TRIM9: variants seen among roughly 807,000 people sequenced by gnomAD.
TRIM9 encodes tripartite motif containing 9.
A neutral mutation model predicts 78.3 loss-of-function variants in TRIM9; 26 were observed. The ratio of observed to expected loss-of-function variants is 0.33; its 90% CI spans 0.24 to 0.46. The LOEUF is 0.46. TRIM9 is among the 20% of genes least tolerant of loss of function. TRIM9 has a pLI of 1.00. For synonymous variants in TRIM9, 398 were observed against 416.5 expected (o/e 0.96, Z 0.54); for missense variants, 787 against 1,036.4 (o/e 0.76, Z 3.30).
intron 1 of TRIM9, among the ~76,000 whole-genome samples, chr14:51,093,293 A>C (rs539214829): frequency 1.6e-3 from 247 of 152,384 alleles, no homozygotes; most frequent in Non-Finnish European, 2.6e-3. Flanking sequence ...AAGTTTGCAC[A>C]TATAACTACT....
intron 6 of TRIM9, among the ~76,000 whole-genome samples, chr14:50,998,667 C>T (rs1020903214): frequency 1.3e-5 from 2 of 152,152 alleles, no homozygotes; most frequent in Non-Finnish European, 2.9e-5. Flanking sequence ...TTTAGAACTC[C>T]GCTGATAACT....
chr14:51,032,663 T>C (rs2058833284), intron 1 of TRIM9, among the ~76,000 whole-genome samples: 2 of 152,166 alleles, frequency 1.3e-5, no homozygotes, highest in Admixed American at 1.3e-4. Flanking sequence ...CAACTAACTA[T>C]CTCTCAGAGT....
At chr14:51,042,384 CACTT>C (rs2059640157) in intron 1 of TRIM9, among the ~76,000 whole-genome samples, 1 of 152,198 alleles carries the variant, frequency 6.6e-6, no homozygotes, top group Non-Finnish European at 1.5e-5. Context: ...TGAAACCTGT[CACTT>C]AAGAATGATT....
chr14:51,028,597 C>T (rs968517089), intron 1 of TRIM9, among the ~76,000 whole-genome samples: 1 of 152,202 alleles, frequency 6.6e-6, no homozygotes, highest in Admixed American at 6.5e-5. Context: ...GTTTTCATCA[C>T]GGCATCTTTG....
intron 9 of TRIM9, 141 bp from the exon 10 acceptor site, chr14:50,983,106 T>G (rs2052193249): frequency 1.2e-6 from 1 of 821,192 alleles, no homozygotes. Flanking sequence ...ACAGGTGCTC[T>G]CTGACTTGTA....
intron 1 of TRIM9, among the ~76,000 whole-genome samples, chr14:51,075,998 A>G (rs936744436): frequency 6.6e-6 from 1 of 152,200 alleles, no homozygotes; most frequent in African/African-American, 2.4e-5. Context: ...TACCTACAAG[A>G]GTACTGGAGC....
At position 51,003,300 on chromosome 14, in the gene TRIM9, CG is replaced by C. The variant is rs200246373; in HGVS notation, c.1307-2461del. 5.9e-3 allele frequency among the ~76,000 whole-genome samples: 897 copies of C among 152,122 alleles called. 6 individuals carry two copies. The highest frequency in any genetic ancestry group is 0.02 in the African/African-American group (841 of 41,516). ...TTGTAGAGACATGAATGATTCCCCCCGGGGGGTATTTATTCTTAACTGTCCT... is the reference window on the plus strand; with the variant it reads ...TTGTAGAGACATGAATGATTCCCCCCGGGGGTATTTATTCTTAACTGTCCT... On this transcript the variant is annotated intron_variant, in intron 5 of 12. Transcript: ENST00000684578.
rs141450731 is a variant in TRIM9 at position 51,088,450 on chromosome 14, G to A, written c.822+5668C>T. Among the ~76,000 whole-genome samples the A allele has an allele frequency of 5.3e-5, 8 of 152,314 alleles. 1 individual carries two copies. The highest frequency in any genetic ancestry group is 1.9e-4 in the African/African-American group (8 of 41,576). ...TAACTATGGAAAACTCGTGGGAGCA[G>A]AGTTTGAGAAATGCTGACCTAGAGT... On this transcript the variant is annotated intron_variant, in intron 1 of 12. Transcript: ENST00000684578.
At chr14:51,035,811 G>A (rs2139920465) in intron 1 of TRIM9, among the ~76,000 whole-genome samples, 1 of 152,264 alleles carries the variant, frequency 6.6e-6, no homozygotes, top group East Asian at 1.9e-4. Context: ...TTTACACAAA[G>A]GCTTAGCCCA....
chr14:51,077,616 T>A (rs4268677), intron 1 of TRIM9, among the ~76,000 whole-genome samples: 80,478 of 151,686 alleles, frequency 0.53, 23,202 homozygotes, highest in African/African-American at 0.76. Flanking sequence ...CTTGTCTCAA[T>A]CTCCTGTCCT....
At chr14:50,988,096 C>A (rs2052964529) in intron 7 of TRIM9, among the ~76,000 whole-genome samples, 2 of 152,156 alleles carry the variant, frequency 1.3e-5, no homozygotes, top group Non-Finnish European at 2.9e-5. Context: ...GCTACCACAC[C>A]CGGACTAAAA....
intron 8 of TRIM9, among the ~76,000 whole-genome samples, chr14:50,983,637 C>G (rs1445229350): frequency 1.3e-5 from 2 of 152,164 alleles, no homozygotes; most frequent in African/African-American, 2.4e-5. Context: ...TTAATAAATC[C>G]TCCTCCAATT....
intron 5 of TRIM9, among the ~76,000 whole-genome samples, chr14:51,003,599 C>T (rs1319563933): frequency 1.3e-5 from 2 of 151,716 alleles, no homozygotes; most frequent in African/African-American, 2.4e-5. Context: ...AACATCAGAA[C>T]TTAATTTATA....
intron 1 of TRIM9, among the ~76,000 whole-genome samples, chr14:51,068,686 G>T (rs1265730685): frequency 6.6e-6 from 1 of 152,146 alleles, no homozygotes; most frequent in African/African-American, 2.4e-5. Flanking sequence ...ACTATGGGTG[G>T]GTTATGAGTT....
At chr14:51,067,499 A>G (rs1256480962) in intron 1 of TRIM9, among the ~76,000 whole-genome samples, 1 of 151,928 alleles carries the variant, frequency 6.6e-6, no homozygotes, top group African/African-American at 2.4e-5. Context: ...TAACATTCAA[A>G]CCCTTTGCCA....
intron 3 of TRIM9, among the ~76,000 whole-genome samples, chr14:51,020,950 G>C (rs2057702529): frequency 6.6e-6 from 1 of 152,202 alleles, no homozygotes; most frequent in South Asian, 2.1e-4. Flanking sequence ...TGTTTCAAAA[G>C]AGATATTTCC....
At chr14:51,044,851 TC>T (rs1166027346) in intron 1 of TRIM9, among the ~76,000 whole-genome samples, 1 of 152,204 alleles carries the variant, frequency 6.6e-6, no homozygotes, top group Non-Finnish European at 1.5e-5. Context: ...CCCTATCATC[TC>T]CACTAAGTGA....
rs753547974 is a variant in TRIM9 at position 50,977,166 on chromosome 14, A to G, written c.*125T>C. 3.1e-6 allele frequency: 2 copies of G among 655,460 alleles called. No homozygotes were observed. Among genetic ancestry groups the G allele is most frequent in the Non-Finnish European group, 4.6e-6 (2 of 432,722 alleles). The allele number at this position is 655,460 out of a possible 1,614,324, so 40.6% of individuals were successfully genotyped here. On this transcript the variant is annotated 3_prime_UTR_variant, in exon 13 of 13. Coordinates refer to ENST00000684578, the MANE Select transcript of TRIM9 (RefSeq NM_001387360.1). ...GTGGGTGTAAAGACTGCAGAGGACC[A>G]GCTTTTCTCTCCTCCTTCTCCCACT...
chr14:51,093,215 C>T (rs890307637), intron 1 of TRIM9, among the ~76,000 whole-genome samples: 16 of 152,102 alleles, frequency 1.1e-4, no homozygotes, highest in African/African-American at 3.9e-4. Flanking sequence ...AAAGCCTCTT[C>T]GTGTCTAGCC....
Sources: allele counts gnomAD v4.1 joint callset (sites outside exome capture counted in the v4.1 genomes callset), GRCh38; gene constraint gnomAD v4.1.1; transcripts MANE v1.5; gene names NCBI Gene and HGNC (gene_info 2026-07-23, HGNC 2026-07-21).